Variants in CAPN2 observed in about 807,000 individuals in gnomAD.
CAPN2 encodes calpain-2 catalytic subunit.
A neutral mutation model predicts 102.3 loss-of-function variants in CAPN2; 92 were observed. The ratio of observed to expected loss-of-function variants is 0.90; its 90% confidence interval spans 0.76 to 1.07. The LOEUF (loss-of-function observed/expected upper bound fraction) is 1.07. Ranked by LOEUF, CAPN2 falls within the 50% of genes least tolerant of loss-of-function variation. The pLI is 0.00. For synonymous variants in CAPN2, 340 were observed against 355.4 expected (o/e 0.96, Z 0.49); for missense variants, 800 against 909.4 (o/e 0.88, Z 1.55).
chr1:223,747,254 G>T, intron 5 of CAPN2, 89 bp downstream of exon 5: 6 of 1,313,904 alleles, frequency 4.6e-6, no homozygotes, highest in Non-Finnish European at 6.2e-6. Context: ...CACTGCTCCT[G>T]TGTACAACGT....
intron 2 of CAPN2, among the ~76,000 whole-genome samples, chr1:223,739,553 G>C (rs560349302): frequency 6.6e-6 from 1 of 152,126 alleles, no homozygotes; most frequent in Non-Finnish European, 1.5e-5. Context: ...CCCCGGAGAG[G>C]AAGGCAGGAG....
rs1272621315 is a variant in CAPN2, at chr1:223,712,646, G to T, written c.6G>T (p.Ala2=). The change falls in exon 1 of 21, where the codon GCG becomes GCT. Residue 2 remains alanine, a synonymous_variant. Coordinates refer to ENST00000295006, the MANE Select transcript of CAPN2 (RefSeq NM_001748.5). M[A]GIAAKLAKDR... is the part of the protein sequence containing the mutation. ...ACGGCCGCCGGGACCGCAGCATGGC[G>T]GGCATCGCGGCCAAGCTGGCGAAGG... 6.5e-7 allele frequency: 1 copy of T among 1,528,454 alleles called. No individual in the cohort carries two copies. The highest frequency in any genetic ancestry group is 8.8e-7 in the Non-Finnish European group (1 of 1,138,022). The allele number at this position is 1,528,454 out of a possible 1,614,324, so 94.7% of individuals were successfully genotyped here.
Position 223,712,882 on chromosome 1 carries a change from G to A in CAPN2, c.237+5G>A, listed in dbSNP as rs779021455. On this transcript the variant is annotated splice_donor_5th_base_variant and intron_variant, in intron 1 of 20. Transcript: ENST00000295006. ...ATCGAGTGGAAGCGCCCCACGGTAG[G>A]AAGCGCGCGGCAGGACGCGGGCAGG... The A allele has an allele frequency of 3.6e-5, 54 of 1,518,980 alleles. No individual in the cohort carries two copies. The African/African-American group carries it at 5.1e-4, about 14-fold the overall frequency. The allele number at this position is 1,518,980 out of a possible 1,614,324, so 94.1% of individuals were successfully genotyped here.
chr1:223,762,904 C>T (rs1051124068), intron 14 of CAPN2, among the ~76,000 whole-genome samples: 7 of 152,022 alleles, frequency 4.6e-5, no homozygotes, highest in African/African-American at 1.7e-4. Flanking sequence ...GCCCAGGCTG[C>T]TCTGGAACTC....
At chr1:223,714,498 AC>A (rs1379432223) in intron 1 of CAPN2, among the ~76,000 whole-genome samples, 3 of 152,010 alleles carry the variant, frequency 2.0e-5, no homozygotes, top group Admixed American at 6.6e-5. Flanking sequence ...TGATACGCTG[AC>A]CTGACTCAGT....
intron 2 of CAPN2, among the ~76,000 whole-genome samples, chr1:223,735,816 G>T (rs1465812718): frequency 6.6e-5 from 10 of 150,952 alleles, no homozygotes; most frequent in Non-Finnish European, 1.2e-4. Context: ...GTCTCGATCT[G>T]TTGCCCAGGC....
rs1558070605 is a variant in CAPN2, at chr1:223,747,165, CG to C, written c.729+1del. 3 of 1,611,560 alleles carry C rather than the reference CG, an allele frequency of 1.9e-6. No homozygotes were observed. The highest frequency in any genetic ancestry group is 2.5e-6 in the Non-Finnish European group (3 of 1,178,414). ...GCTCTCTCCTTGGCTGCTCCATCGA[CG>C]TAAGTCCAGGCTGCCTTCCCTAGCC... is the stretch of plus-strand genomic sequence containing the variant. On this transcript the variant is annotated splice_donor_variant, in intron 5 of 20. Coordinates refer to ENST00000295006, the MANE Select transcript of CAPN2 (RefSeq NM_001748.5). LOFTEE classifies it high-confidence loss of function.
At chr1:223,711,061 T>C (rs1659716627), upstream of CAPN2, among the ~76,000 whole-genome samples, 1 of 152,180 alleles carries the variant, frequency 6.6e-6, no homozygotes, top group Non-Finnish European at 1.5e-5. Context: ...ACAAGAGCTA[T>C]CTTGGACATT....
At chr1:223,764,918 A>G (rs1045316094) in intron 15 of CAPN2, among the ~76,000 whole-genome samples, 2 of 152,220 alleles carry the variant, frequency 1.3e-5, no homozygotes, top group Non-Finnish European at 2.9e-5. Context: ...TCTTAAGCAA[A>G]AAAATGTCAG....
intron 2 of CAPN2, among the ~76,000 whole-genome samples, chr1:223,737,048 TAAAAATA>T: frequency 1.3e-5 from 2 of 151,214 alleles, no homozygotes; most frequent in East Asian, 1.9e-4. Context: ...CAAAAAAAAA[TAAAAATA>T]AGAATAAAGA....
intron 2 of CAPN2, among the ~76,000 whole-genome samples, chr1:223,733,046 C>T (rs982349369): frequency 5.3e-5 from 8 of 152,176 alleles, no homozygotes; most frequent in Admixed American, 3.9e-4. Context: ...CTTCACCAAG[C>T]GCAATTCTTC....
At chr1:223,769,442 G>GTA (rs1333865226) in intron 16 of CAPN2, among the ~76,000 whole-genome samples, 1 of 152,062 alleles carries the variant, frequency 6.6e-6, no homozygotes, top group Non-Finnish European at 1.5e-5. Flanking sequence ...GTTTTATCTA[G>GTA]TGGATTCATG....
intron 1 of CAPN2, among the ~76,000 whole-genome samples, chr1:223,702,955 G>A (rs1303877100): frequency 6.6e-6 from 1 of 152,222 alleles, no homozygotes; most frequent in Non-Finnish European, 1.5e-5. Context: ...AGTGGCAGTG[G>A]CAGCTGCTGG....
intron 14 of CAPN2, among the ~76,000 whole-genome samples, chr1:223,762,642 C>T (rs1313577601): frequency 6.6e-6 from 1 of 152,162 alleles, no homozygotes; most frequent in Admixed American, 6.5e-5. Flanking sequence ...CCACCTGCAA[C>T]AGAGTGTTTG....
chr1:223,713,434 T>C (rs1462465212), intron 1 of CAPN2, among the ~76,000 whole-genome samples: 1 of 152,138 alleles, frequency 6.6e-6, no homozygotes, highest in African/African-American at 2.4e-5. Flanking sequence ...CCTCATAACA[T>C]TGACACTGGT....
In CAPN2 at chr1:223,755,398, TC is replaced by T; in HGVS notation, c.1136-80del. ...TTTATCTCCATCCCTCTCAGAAGCC[TC>T]CAAGCCTGAGACCAGGGCCACCCCC... On this transcript the variant is annotated intron_variant, in intron 9 of 20. Transcript: ENST00000295006. The surrounding 1 kb of genome is among the most constrained non-coding windows in gnomAD (Gnocchi z 4.1). 2 of 1,438,652 alleles carry T rather than the reference TC, an allele frequency of 1.4e-6. No homozygotes were observed. The highest frequency in any genetic ancestry group is 1.2e-5 in the South Asian group (1 of 81,692). 89.1% of individuals were successfully genotyped at this position (1,438,652 alleles called of 1,614,324 possible).
rs1182794416 is a variant in CAPN2 at position 223,750,762 on chromosome 1, C to G, written c.814-128C>G. ...TCCTCCCTCATACATGGACTCAACC[C>G]CCAAATCCTCCCCACCGTCCTCAGC... is the stretch of plus-strand genomic sequence containing the variant. On this transcript the variant is annotated intron_variant, in intron 6 of 20. Coordinates refer to ENST00000295006, the MANE Select transcript of CAPN2 (RefSeq NM_001748.5). 4 of 822,700 alleles carry G rather than the reference C, an allele frequency of 4.9e-6. No homozygotes were observed. The Admixed American group carries it at 8.4e-5, about 17-fold the overall frequency. 51.0% of individuals were successfully genotyped at this position (822,700 alleles called of 1,614,324 possible). A position where few individuals can be genotyped will look rare whatever the true frequency, so the allele number is the denominator to read the frequency against.
chr1:223,770,001 C>A, intron 17 of CAPN2, 92 bp downstream of exon 17: 1 of 1,018,128 alleles, frequency 9.8e-7, no homozygotes, highest in Non-Finnish European at 1.5e-6. Flanking sequence ...AGTGGAGAAA[C>A]ATTTCCAAGG....
upstream of CAPN2, chr1:223,712,463 G>A: frequency 8.7e-7 from 1 of 1,145,176 alleles, no homozygotes; most frequent in Non-Finnish European, 1.1e-6. Context: ...CAGCAGGCCG[G>A]GAGCGGCTGA....
Sources: allele counts gnomAD v4.1 joint callset (sites outside exome capture counted in the v4.1 genomes callset), GRCh38; gene constraint gnomAD v4.1.1; non-coding constraint Gnocchi (gnomAD v3.1); transcripts MANE v1.5; gene names NCBI Gene and HGNC (gene_info 2026-07-23, HGNC 2026-07-21).